Variants in UNC13C observed in about 807,000 individuals in gnomAD.
UNC13C encodes the protein unc-13 homolog C, also known as protein unc-13 homolog C.
Under a neutral mutation model 245.4 loss-of-function variants are expected in UNC13C, and 174 were observed. The observed-to-expected ratio is 0.71, with a 90% CI of 0.63 to 0.80. The LOEUF (loss-of-function observed/expected upper bound fraction) is 0.80. UNC13C is among the 30% of genes least tolerant of loss of function. The pLI is 0.00. For synonymous variants in UNC13C, 992 were observed against 895.1 expected (o/e 1.11, Z -1.93); for missense variants, 2,829 against 2,602.9 (o/e 1.09, Z -1.89).
intron 16 of UNC13C, among the ~76,000 whole-genome samples, chr15:54,337,738 A>G (rs2038624051): frequency 6.6e-6 from 1 of 152,150 alleles, no homozygotes; most frequent in African/African-American, 2.4e-5. Flanking sequence ...GCCTTATAAA[A>G]GTTAGTTGTT....
At chr15:54,125,108 A>G (rs1167265086) in intron 2 of UNC13C, among the ~76,000 whole-genome samples, 1 of 151,946 alleles carries the variant, frequency 6.6e-6, no homozygotes, top group Admixed American at 6.6e-5. Flanking sequence ...AGTTGTTTTT[A>G]GCTATTGTAG....
chr15:53,977,662 T>C (rs1306197872), upstream of UNC13C, among the ~76,000 whole-genome samples: 1 of 152,194 alleles, frequency 6.6e-6, no homozygotes, highest in Non-Finnish European at 1.5e-5. Flanking sequence ...ATTCAGTACT[T>C]TTTTATTTGT....
At chr15:54,468,200 T>C (rs1253259265) in intron 19 of UNC13C, among the ~76,000 whole-genome samples, 1 of 151,718 alleles carries the variant, frequency 6.6e-6, no homozygotes, top group African/African-American at 2.4e-5. Flanking sequence ...TAATTTGCAT[T>C]TATCTGACAT....
rs368924543 is a variant in UNC13C at position 54,408,476 on chromosome 15, T to C, written c.4848-6506T>C. Among the ~76,000 whole-genome samples, 5 of 152,194 alleles carry C rather than the reference T, an allele frequency of 3.3e-5. 1 individual carries two copies. Among genetic ancestry groups the C allele is most frequent in the Admixed American group, 6.5e-5 (1 of 15,294 alleles). On this transcript the variant is annotated intron_variant, in intron 18 of 32. Transcript: ENST00000260323. ...TAATAACAACTGAATAGGGGTTTTG[T>C]GAGAAACAAATTAATATTATCCATC...
intron 19 of UNC13C, among the ~76,000 whole-genome samples, chr15:54,447,705 G>C (rs1437950677): frequency 6.6e-6 from 1 of 151,544 alleles, no homozygotes; most frequent in Non-Finnish European, 1.5e-5. Flanking sequence ...CAATTTTGTT[G>C]ATCTTTTCAA....
intron 5 of UNC13C, among the ~76,000 whole-genome samples, chr15:54,236,032 T>A (rs1425618573): frequency 2.2e-5 from 3 of 135,598 alleles, no homozygotes; most frequent in African/African-American, 9.1e-5. Flanking sequence ...AAAAAAAAAA[T>A]CATCGTGAAA....
At chr15:54,476,568 G>A (rs76223572) in intron 19 of UNC13C, among the ~76,000 whole-genome samples, 1 of 150,538 alleles carries the variant, frequency 6.6e-6, no homozygotes, top group Non-Finnish European at 1.5e-5. Flanking sequence ...AATAGGGAAT[G>A]CTTTCCCCAT....
chr15:54,343,198 A>G (rs1486610995), intron 17 of UNC13C, among the ~76,000 whole-genome samples: 1 of 151,868 alleles, frequency 6.6e-6, no homozygotes, highest in African/African-American at 2.4e-5. Flanking sequence ...CAGTGGCGCA[A>G]TCTCGGCTCA....
At chr15:54,530,036 A>C (rs1466146715) in intron 25 of UNC13C, among the ~76,000 whole-genome samples, 2 of 152,196 alleles carry the variant, frequency 1.3e-5, no homozygotes, top group African/African-American at 2.4e-5. Context: ...TGAAAAAAGC[A>C]ATACGAAATA....
chr15:53,998,542 A>C (rs1462353967), intron 1 of UNC13C, among the ~76,000 whole-genome samples: 1 of 152,116 alleles, frequency 6.6e-6, no homozygotes, highest in Non-Finnish European at 1.5e-5. Flanking sequence ...TTTTCACATA[A>C]ATACTCATGT....
chr15:54,170,347 C>T (rs1296374305), intron 4 of UNC13C, among the ~76,000 whole-genome samples: 1 of 151,872 alleles, frequency 6.6e-6, no homozygotes, highest in Non-Finnish European at 1.5e-5. Context: ...AATCATTTAG[C>T]GTATAGCACA....
intron 4 of UNC13C, among the ~76,000 whole-genome samples, chr15:54,167,500 C>CA (rs67762910): frequency 0.15 from 13,802 of 89,730 alleles, 1,416 homozygotes; most frequent in Non-Finnish European, 0.19. Flanking sequence ...ACACTCGTCT[C>CA]AAAAAAAAAA....
intron 30 of UNC13C, among the ~76,000 whole-genome samples, chr15:54,577,627 C>T (rs1898012784): frequency 6.6e-6 from 1 of 152,140 alleles, no homozygotes; most frequent in Admixed American, 6.5e-5. Context: ...TGACTGTAAG[C>T]TTCTCAATGT....
At chr15:53,920,189 A>G in the UNC13C span, among the ~76,000 whole-genome samples, 2 of 152,150 alleles carry the variant, frequency 1.3e-5, no homozygotes, top group Non-Finnish European at 2.9e-5. Flanking sequence ...GGTTGTTTCT[A>G]TAATATTGTT....
chr15:54,437,659 GT>G (rs897633103), intron 19 of UNC13C, among the ~76,000 whole-genome samples: 2 of 151,140 alleles, frequency 1.3e-5, no homozygotes, highest in Non-Finnish European at 2.9e-5. Context: ...AGAGTAGTCA[GT>G]TAGTCCAGTT....
intron 8 of UNC13C, among the ~76,000 whole-genome samples, chr15:54,261,227 A>G (rs746283393): frequency 1.2e-4 from 19 of 152,228 alleles, no homozygotes; most frequent in Non-Finnish European, 1.2e-4. Context: ...CACGCTTTGA[A>G]GAAAGACTCA....
intron 2 of UNC13C, among the ~76,000 whole-genome samples, chr15:54,112,265 T>C (rs1900818181): frequency 6.6e-6 from 1 of 152,110 alleles, no homozygotes; most frequent in Non-Finnish European, 1.5e-5. Context: ...CGAGGTTTAA[T>C]ATGCAAAGAA....
the UNC13C span, among the ~76,000 whole-genome samples, chr15:53,841,304 C>T: frequency 2.6e-5 from 4 of 152,118 alleles, no homozygotes; most frequent in African/African-American, 9.7e-5. Flanking sequence ...GCTTTCCCCC[C>T]TACCTTTGCC....
intron 18 of UNC13C, among the ~76,000 whole-genome samples, chr15:54,400,492 G>A (rs556798549): frequency 6.6e-6 from 1 of 152,072 alleles, no homozygotes; most frequent in Non-Finnish European, 1.5e-5. Context: ...TTCCTTCATA[G>A]TCATTACTCT....
Sources: gnomAD v4.1 joint callset for allele counts (sites outside exome capture counted in the v4.1 genomes callset) on GRCh38, gnomAD v4.1.1 for gene constraint, MANE v1.5 for transcripts, NCBI Gene and HGNC (gene_info 2026-07-23, HGNC 2026-07-21) for gene names.